The following GGT7 variants were observed in gnomAD, a reference collection of about 807,000 sequenced individuals.
GGT7 encodes gamma-glutamyltransferase 7.
GGT7 carries 30 observed loss-of-function variants against 69.2 expected under a neutral mutation model. The ratio of observed to expected loss-of-function variants is 0.43; its 90% CI spans 0.32 to 0.59. GGT7 has a LOEUF of 0.59. Among genes scored for constraint, GGT7 ranks in the 20% least tolerant of loss-of-function variants. The probability of loss-of-function intolerance (pLI) is 0.05; values close to 1 mark genes in which losing one functional copy is unlikely to be tolerated. For missense variants in GGT7, 733 were observed against 901.1 expected (o/e 0.81, Z 2.39); for synonymous variants, 388 against 391.8 (o/e 0.99, Z 0.12).
rs1386217741 is a variant in GGT7, at chr20:34,863,102, C to A, written c.406-137G>T. ...TGTTGCCTTGACTCTGCCCTCATTA[C>A]CCCAAGTGCCTCCTAATGGATCTGT... On this transcript the variant is annotated intron_variant, in intron 2 of 14. Coordinates refer to ENST00000336431, the MANE Select transcript of GGT7 (RefSeq NM_178026.3). The surrounding 1 kb of genome is among the most constrained non-coding windows in gnomAD (Gnocchi z 4.4). 1.2e-6 allele frequency: 1 copy of A among 858,582 alleles called. No homozygotes were observed. The highest frequency in any genetic ancestry group is 1.8e-6 in the Non-Finnish European group (1 of 549,918). The allele number at this position is 858,582 out of a possible 1,614,324, so 53.2% of individuals were successfully genotyped here.
At position 34,859,519 on chromosome 20, in the gene GGT7, A is replaced by T. The variant is rs2079548825; in HGVS notation, c.938T>A (p.Val313Glu). The change falls in exon 7 of 15, where the codon GTG (valine) becomes GAG (glutamate). Residue 313 changes from valine (V) to glutamate (E), a missense_variant. Physicochemically the swap from Val to Glu is moderately radical, Grantham distance 121. Transcript: ENST00000336431. The stretch of plus-strand genomic sequence containing the variant: ...GCCGGAGGTGCCAAGTACATCCAGC[A>T]CCTCAGCCAGGTCGGGCCGATGCAG... ...SLLHRPDLAE[V>E]LDVLGTSGPA... is the part of the protein sequence containing the mutation. 2.5e-6 allele frequency: 4 copies of T among 1,612,176 alleles called. No homozygotes were observed. Among genetic ancestry groups the T allele is most frequent in the Non-Finnish European group, 3.4e-6 (4 of 1,179,118 alleles).
chr20:34,863,578 G>A lies in GGT7; in HGVS notation c.170-30C>T, dbSNP rs945906391. The A allele has an allele frequency of 6.8e-7, 1 of 1,462,142 alleles. No individual in the cohort carries two copies. The allele number at this position is 1,462,142 out of a possible 1,614,324, so 90.6% of individuals were successfully genotyped here. ...GGGCAGGCAGCCGGGGTCGGTCTGG[G>A]CATCTCCTATCTGGCCCTGCCCACC... On this transcript the variant is annotated intron_variant, in intron 1 of 14. Transcript: ENST00000336431. This position sits in a 1 kb window ranked among gnomAD's most constrained non-coding sequence, Gnocchi z 4.4.
intron 7 of GGT7, 48 bp from the exon 8 acceptor site, chr20:34,856,941 T>G: frequency 1.7e-6 from 2 of 1,209,282 alleles, no homozygotes; most frequent in Non-Finnish European, 2.4e-6. Flanking sequence ...TGTGACATGG[T>G]GGTTTTGGCC....
Position 34,859,432 on chromosome 20 carries a change from C to T in GGT7, c.1014+11G>A, listed in dbSNP as rs534307885. ...GGGGCATGCCCCCACCCGCACAACACGAGCACTTACCTCGGCCACCATCTC... is the reference window on the plus strand; with the variant it reads ...GGGGCATGCCCCCACCCGCACAACATGAGCACTTACCTCGGCCACCATCTC... On this transcript the variant is annotated intron_variant, in intron 7 of 14. Coordinates refer to ENST00000336431, the MANE Select transcript of GGT7 (RefSeq NM_178026.3). 51 of 1,567,086 alleles carry T rather than the reference C, an allele frequency of 3.3e-5. 1 individual carries two copies. The highest frequency in any genetic ancestry group is 3.4e-4 in the Middle Eastern group (2 of 5,860).
At chr20:34,871,497 A>G (rs747469508) in intron 1 of GGT7, among the ~76,000 whole-genome samples, 2 of 152,196 alleles carry the variant, frequency 1.3e-5, no homozygotes, top group Non-Finnish European at 2.9e-5. Flanking sequence ...CAGCCCTGAC[A>G]TTTGACGCCC....
At chr20:34,860,112 G>T (rs2295094) in intron 5 of GGT7, 70 bp from the exon 6 acceptor site, 1 of 863,810 alleles carries the variant, frequency 1.2e-6, no homozygotes, top group Non-Finnish European at 1.9e-6. Flanking sequence ...GGGGAGGGGG[G>T]TTCCTGGGAA....
At chr20:34,854,250 G>C (rs2079448746) in intron 10 of GGT7, among the ~76,000 whole-genome samples, 1 of 152,104 alleles carries the variant, frequency 6.6e-6, no homozygotes, top group Non-Finnish European at 1.5e-5. Context: ...GTTTGGTATT[G>C]AGCTTTCTTT....
rs941702281 is a variant in GGT7 at position 34,863,965 on chromosome 20, C to T, written c.170-417G>A. ...AGAGTGGAGGGACCCTGCCTTCCAA[C>T]CTCACTTCAGTTATCAGCTCACTCA... is the stretch of plus-strand genomic sequence containing the variant. On this transcript the variant is annotated intron_variant, in intron 1 of 14. Transcript: ENST00000336431. This position sits in a 1 kb window ranked among gnomAD's most constrained non-coding sequence, Gnocchi z 4.4. 2.0e-5 allele frequency among the ~76,000 whole-genome samples: 3 copies of T among 152,188 alleles called. No individual in the cohort carries two copies. The highest frequency in any genetic ancestry group is 7.2e-5 in the African/African-American group (3 of 41,446).
rs1202756596 is a variant in GGT7, at chr20:34,855,668, C to T, written c.1103-745G>A. Among the ~76,000 whole-genome samples, 3 of 152,064 alleles carry T rather than the reference C, an allele frequency of 2.0e-5. No homozygotes were observed. In the East Asian group the frequency reaches 5.8e-4, roughly 29 times the overall value. Reference sequence around the variant, plus strand: ...TAAGATGTAGGCACTATTATTATTTCCATTTTAAGGAGGGAACCAAGGCTC... The same window carrying T: ...TAAGATGTAGGCACTATTATTATTTTCATTTTAAGGAGGGAACCAAGGCTC... On this transcript the variant is annotated intron_variant, in intron 8 of 14. Transcript: ENST00000336431.
At position 34,851,312 on chromosome 20, in the gene GGT7, G is replaced by T; in HGVS notation, c.1644C>A (p.Val548=). The change falls in exon 13 of 15, where the codon GTC becomes GTA. Residue 548 remains valine, a synonymous_variant. Transcript: ENST00000336431. ...TTCCACAGAGCCCCTCCGCGGGTCG[G>T]ACCACTGTGGGCAGCAGGAAAGAGA... ...RPLSFLLPTV[V]RPAEGLCGTY... is the part of the protein sequence containing the mutation. The T allele has an allele frequency of 6.2e-7, 1 of 1,614,008 alleles. No individual in the cohort carries two copies. Among genetic ancestry groups the T allele is most frequent in the Non-Finnish European group, 8.5e-7 (1 of 1,180,040 alleles).
chr20:34,862,751 G>A (rs1203543633), intron 3 of GGT7, 63 bp downstream of exon 3: 1 of 1,497,940 alleles, frequency 6.7e-7, no homozygotes, highest in African/African-American at 1.4e-5. Flanking sequence ...TGCTGCACAT[G>A]AGGCCTACAG....
rs1272853615 is a variant in GGT7, at chr20:34,852,263, G to T, written c.1479C>A (p.Asn493Lys). The T allele has an allele frequency of 6.2e-7, 1 of 1,613,062 alleles. No individual in the cohort carries two copies. Among genetic ancestry groups the T allele is most frequent in the Admixed American group, 1.7e-5 (1 of 60,032 alleles). ...DFIVAMVSSL[N>K]QPFGSGLITP... Reference sequence around the variant, plus strand: ...TGATAAGGCCGCTGCCAAAGGGCTGGTTCAGGGAGCTGGGGGCCGAGGTGG... The same window carrying T: ...TGATAAGGCCGCTGCCAAAGGGCTGTTTCAGGGAGCTGGGGGCCGAGGTGG... The change falls in exon 12 of 15, where the codon AAC (asparagine) becomes AAA (lysine). Residue 493 changes from asparagine to lysine, a missense_variant. By Grantham distance (94) the Asn-to-Lys change is moderately conservative. Coordinates refer to ENST00000336431, the MANE Select transcript of GGT7 (RefSeq NM_178026.3).
chr20:34,863,694 G>A lies in GGT7; in HGVS notation c.170-146C>T, dbSNP rs1220761566. 4.1e-6 allele frequency: 3 copies of A among 733,544 alleles called. No individual in the cohort carries two copies. In the Admixed American group the frequency reaches 6.0e-5, roughly 15 times the overall value. 45.4% of individuals were successfully genotyped at this position (733,544 alleles called of 1,614,324 possible). A position where few individuals can be genotyped will look rare whatever the true frequency, so the allele number is the denominator to read the frequency against. ...GCACTACTCACCTTTCCTCATTTTC[G>A]CGTGCACCCCAGGACAGGCGGGGCA... is the stretch of plus-strand genomic sequence containing the variant. On this transcript the variant is annotated intron_variant, in intron 1 of 14. Coordinates refer to ENST00000336431, the MANE Select transcript of GGT7 (RefSeq NM_178026.3). The surrounding 1 kb of genome is among the most constrained non-coding windows in gnomAD (Gnocchi z 4.4).
chr20:34,850,206 C>G, intron 13 of GGT7, 146 bp from the exon 14 acceptor site: 1 of 772,310 alleles, frequency 1.3e-6, no homozygotes, highest in Non-Finnish European at 2.4e-6. Flanking sequence ...CCCTGGAAGA[C>G]AGGCAGGCCT....
At position 34,852,543 on chromosome 20, in the gene GGT7, AAAGAC is replaced by A. The variant is rs1269856207; in HGVS notation, c.1320-10_1320-6del. 1.3e-6 allele frequency: 2 copies of A among 1,574,084 alleles called. No individual in the cohort carries two copies. Among genetic ancestry groups the A allele is most frequent in the Non-Finnish European group, 1.7e-6 (2 of 1,161,352 alleles). On this transcript the variant is annotated splice_region_variant and splice_polypyrimidine_tract_variant and intron_variant, in intron 10 of 14. Transcript: ENST00000336431. The stretch of plus-strand genomic sequence containing the variant: ...AGGTAGGCGGCCTCCACCTTGCTGA[AAAGAC>A]AAGGGGTGGGAGATGAGCAAACAAC...
At chr20:34,860,779 A>G (rs1021533723) in intron 4 of GGT7, among the ~76,000 whole-genome samples, 3 of 151,552 alleles carry the variant, frequency 2.0e-5, no homozygotes, top group African/African-American at 7.3e-5. Flanking sequence ...ATTTCAAAGC[A>G]TTTTTTGTAG....
chr20:34,863,614 GACTATT>G lies in GGT7; in HGVS notation c.170-72_170-67del. 1.2e-5 allele frequency: 13 copies of G among 1,078,156 alleles called. No individual in the cohort carries two copies. Among genetic ancestry groups the G allele is most frequent in the Non-Finnish European group, 1.4e-5 (10 of 715,792 alleles). 66.8% of individuals were successfully genotyped at this position (1,078,156 alleles called of 1,614,324 possible). On this transcript the variant is annotated intron_variant, in intron 1 of 14. Coordinates refer to ENST00000336431, the MANE Select transcript of GGT7 (RefSeq NM_178026.3). The surrounding 1 kb of genome is among the most constrained non-coding windows in gnomAD (Gnocchi z 4.4). The stretch of plus-strand genomic sequence containing the variant: ...CTGGCCCTGCCCACCCTCCAGGTGG[GACTATT>G]CAGCGCTTTCCCTGCCCCGCCCCTG...
rs1369747553 is a variant in GGT7, at chr20:34,852,155, C to T, written c.1587G>A (p.Leu529=). ...NRTANHSAPS[L]ENSVQPGKRP... is the part of the protein sequence containing the mutation. ...AGGAAAGCAGGGAAGCAAATCCTAC[C>T]AGGCTGGGTGCAGAGTGGTTAGCTG... The change falls in exon 12 of 15, where the codon CTG becomes CTA. Residue 529 remains leucine, a splice_region_variant and synonymous_variant. Coordinates refer to ENST00000336431, the MANE Select transcript of GGT7 (RefSeq NM_178026.3). 6.3e-7 allele frequency: 1 copy of T among 1,595,018 alleles called. No homozygotes were observed. The highest frequency in any genetic ancestry group is 8.6e-7 in the Non-Finnish European group (1 of 1,162,528).
intron 9 of GGT7, 38 bp from the exon 10 acceptor site, chr20:34,854,657 C>T (rs750738400): frequency 2.5e-6 from 4 of 1,577,346 alleles, no homozygotes; most frequent in Admixed American, 1.7e-5. Flanking sequence ...GGCTGCCAGG[C>T]CCCTCCCAGA....
Sources: gnomAD v4.1 joint callset for allele counts (sites outside exome capture counted in the v4.1 genomes callset) on GRCh38, gnomAD v4.1.1 for gene constraint, Gnocchi (gnomAD v3.1) non-coding constraint, MANE v1.5 for transcripts, NCBI Gene and HGNC (gene_info 2026-07-23, HGNC 2026-07-21) for gene names.